The following COL26A1 variants were observed in gnomAD, a reference collection of about 807,000 sequenced individuals.
COL26A1 encodes the protein collagen type XXVI alpha 1 chain.
Under a neutral mutation model 59.3 loss-of-function variants are expected in COL26A1, and 41 were observed. That is an observed-to-expected ratio of 0.69 (90% CI 0.54 to 0.90). The LOEUF is 0.90. COL26A1 is among the 40% of genes least tolerant of loss of function. The pLI is 0.00. For synonymous variants in COL26A1, 266 were observed against 256.0 expected (o/e 1.04, Z -0.37); for missense variants, 612 against 602.3 (o/e 1.02, Z -0.17).
At chr7:101,435,509 TC>T (rs1431177502) in intron 2 of COL26A1, among the ~76,000 whole-genome samples, 2 of 152,050 alleles carry the variant, frequency 1.3e-5, no homozygotes, top group African/African-American at 4.8e-5. Context: ...TGCCTCAGTT[TC>T]CCATCCTGGG....
In COL26A1 at chr7:101,556,813, A is replaced by AATGG. The variant is rs567084394; in HGVS notation, c.1166-541_1166-538dup. Reference sequence around the variant, plus strand: ...AGGTAGGTGGGTGAATAAGTGAGTGAATGGATGGATGGATGGATGATAGAT... The same window carrying AATGG: ...AGGTAGGTGGGTGAATAAGTGAGTGAATGGATGGATGGATGGATGGATGATAGAT... On this transcript the variant is annotated intron_variant, in intron 12 of 12. Coordinates refer to ENST00000313669, the MANE Select transcript of COL26A1 (RefSeq NM_001278563.3). Among the ~76,000 whole-genome samples the AATGG allele has an allele frequency of 3.4e-4, 51 of 151,840 alleles. No homozygotes were observed. The South Asian group carries it at 6.0e-3, about 18-fold the overall frequency.
chr7:101,419,470 G>T (rs566498331), intron 1 of COL26A1, among the ~76,000 whole-genome samples: 19 of 152,214 alleles, frequency 1.2e-4, no homozygotes, highest in Admixed American at 5.2e-4. Flanking sequence ...TCCGCTCTGT[G>T]CCTGTTACAC....
chr7:101,550,861 G>A (rs1487703754), intron 9 of COL26A1, among the ~76,000 whole-genome samples: 2 of 152,328 alleles, frequency 1.3e-5, no homozygotes, highest in East Asian at 3.9e-4. Context: ...AGCCGTACGT[G>A]GCATTGGCCC....
rs528528836 is a variant in COL26A1 at position 101,456,603 on chromosome 7, A to G, written c.385+8816A>G. Among the ~76,000 whole-genome samples the G allele has an allele frequency of 2.7e-5, 4 of 150,450 alleles. No individual in the cohort carries two copies. The South Asian group carries it at 8.4e-4, about 32-fold the overall frequency. On this transcript the variant is annotated intron_variant, in intron 3 of 12. Coordinates refer to ENST00000313669, the MANE Select transcript of COL26A1 (RefSeq NM_001278563.3). ...CGCTTGAACTTGGGAGGCAGAGGTTATGGTGAGCCGAGATCACGCCATTGC... is the reference window on the plus strand; with the variant it reads ...CGCTTGAACTTGGGAGGCAGAGGTTGTGGTGAGCCGAGATCACGCCATTGC...
At chr7:101,506,666 CTG>C (rs1794818296) in intron 3 of COL26A1, among the ~76,000 whole-genome samples, 1 of 152,364 alleles carries the variant, frequency 6.6e-6, no homozygotes, top group South Asian at 2.1e-4. Flanking sequence ...GATTCCCTGA[CTG>C]TATTTGCTCC....
At chr7:101,422,375 A>C (rs1014956189) in intron 2 of COL26A1, among the ~76,000 whole-genome samples, 1 of 13,904 alleles carries the variant, frequency 7.2e-5, no homozygotes, top group Non-Finnish European at 1.3e-4. Flanking sequence ...CCAAAATGAA[A>C]AAAAAAAAAA....
chr7:101,532,075 A>G lies in COL26A1; in HGVS notation c.386-1007A>G, dbSNP rs551108003. ...TTAGGCATCCCCTGACTTCTAGAGC[A>G]ATAAAAGCTCTTTAGAACAGCTTTG... is the stretch of plus-strand genomic sequence containing the variant. On this transcript the variant is annotated intron_variant, in intron 3 of 12. Coordinates refer to ENST00000313669, the MANE Select transcript of COL26A1 (RefSeq NM_001278563.3). Among the ~76,000 whole-genome samples, 6 of 152,276 alleles carry G rather than the reference A, an allele frequency of 3.9e-5. No individual in the cohort carries two copies. The South Asian group carries it at 1.2e-3, about 32-fold the overall frequency.
intron 3 of COL26A1, among the ~76,000 whole-genome samples, chr7:101,524,919 G>A (rs1296250540): frequency 3.3e-5 from 5 of 152,168 alleles, no homozygotes; most frequent in Admixed American, 6.5e-5. Flanking sequence ...TGTGGAGGCA[G>A]AGAGGGAGAA....
intron 5 of COL26A1, among the ~76,000 whole-genome samples, chr7:101,540,486 C>T (rs1476091252): frequency 6.7e-6 from 1 of 150,240 alleles, no homozygotes; most frequent in African/African-American, 2.5e-5. Context: ...TGCAGTGAGC[C>T]GAGATCACGC....
chr7:101,544,176 T>G (rs1584502116), intron 6 of COL26A1, 80 bp downstream of exon 6: 4 of 1,084,900 alleles, frequency 3.7e-6, no homozygotes, highest in Non-Finnish European at 5.5e-6. Flanking sequence ...ACAGGCGAGG[T>G]GTCCCACGCA....
chr7:101,390,148 GTTTTTTTTTTTT>G (rs60091954), intron 1 of COL26A1, among the ~76,000 whole-genome samples: 1 of 72,368 alleles, frequency 1.4e-5, no homozygotes, highest in African/African-American at 4.9e-5. Flanking sequence ...CATGTTAAGG[GTTTTTTTTTTTT>G]TTTTTTTTTT....
intron 3 of COL26A1, among the ~76,000 whole-genome samples, chr7:101,529,953 G>A (rs146637715): frequency 2.0e-3 from 299 of 152,212 alleles, no homozygotes; most frequent in African/African-American, 7.0e-3. Flanking sequence ...AGGCATTCGG[G>A]TCTGTGCAGC....
intron 3 of COL26A1, among the ~76,000 whole-genome samples, chr7:101,489,824 T>TC (rs1342719294): frequency 1.2e-4 from 1 of 8,628 alleles, no homozygotes; most frequent in East Asian, 2.3e-3. Flanking sequence ...CTTTCTTTCT[T>TC]TCTTTCTTTC....
At chr7:101,428,409 T>C (rs1459553909) in intron 2 of COL26A1, among the ~76,000 whole-genome samples, 3 of 151,484 alleles carry the variant, frequency 2.0e-5, no homozygotes, top group East Asian at 3.9e-4. Flanking sequence ...GAATGGGCAT[T>C]GCAACGGGAG....
intron 3 of COL26A1, among the ~76,000 whole-genome samples, chr7:101,528,014 T>A (rs1173936152): frequency 6.6e-6 from 1 of 152,170 alleles, no homozygotes; most frequent in Non-Finnish European, 1.5e-5. Context: ...CGATGACAGA[T>A]GCCAAGGGAA....
At chr7:101,547,317 A>G in intron 8 of COL26A1, 78 bp downstream of exon 8, 1 of 1,012,246 alleles carries the variant, frequency 9.9e-7, no homozygotes, top group Non-Finnish European at 1.5e-6. Context: ...CCTTGAGGGG[A>G]GCTGGAGGTC....
chr7:101,482,745 C>T (rs891675060), intron 3 of COL26A1, among the ~76,000 whole-genome samples: 5 of 152,174 alleles, frequency 3.3e-5, no homozygotes, highest in African/African-American at 1.2e-4. Flanking sequence ...TTACTTGAGA[C>T]CAGGAGTTCA....
In COL26A1 at chr7:101,387,772, A is replaced by ATTTT. The variant is rs1374717696; in HGVS notation, c.158+24583_158+24584insTTTT. Among the ~76,000 whole-genome samples, 316 of 42,426 alleles carry ATTTT rather than the reference A, an allele frequency of 7.4e-3. 3 individuals are homozygous for ATTTT. The highest frequency in any genetic ancestry group is 0.013 in the Non-Finnish European group (268 of 20,636). The allele number at this position is 42,426 out of a possible 152,430, so 27.8% of individuals were successfully genotyped here. A position where few individuals can be genotyped will look rare whatever the true frequency, so the allele number is the denominator to read the frequency against. On this transcript the variant is annotated intron_variant, in intron 1 of 12. Transcript: ENST00000313669. ...TATATATTTATATATATATATATAT[A>ATTTT]TATATATTTTTTTTTAAGACAGAGT...
chr7:101,419,607 T>C (rs1269628073), intron 1 of COL26A1, among the ~76,000 whole-genome samples: 3 of 152,206 alleles, frequency 2.0e-5, no homozygotes, highest in Non-Finnish European at 4.4e-5. Flanking sequence ...CTGGGCGAGA[T>C]GCCCTGCTCC....
Sources: gnomAD v4.1 joint callset for allele counts (sites outside exome capture counted in the v4.1 genomes callset) on GRCh38, gnomAD v4.1.1 for gene constraint, MANE v1.5 for transcripts, NCBI Gene and HGNC (gene_info 2026-07-23, HGNC 2026-07-21) for gene names.